OR2G3: variants seen among roughly 807,000 people sequenced by gnomAD.
OR2G3 encodes olfactory receptor family 2 subfamily G member 3.
For synonymous variants in OR2G3, 154 were observed against 144.5 expected (o/e 1.07, Z -0.47); for missense variants, 375 against 364.4 (o/e 1.03, Z -0.24).
In OR2G3 at chr1:247,605,951, G is replaced by C. The variant is rs769264930; in HGVS notation, c.366G>C (p.Arg122=). The stretch of plus-strand genomic sequence containing the variant: ...TCTTGGCTGACATGGCCTTGGATCG[G>C]TACATTGCTGTCTGCAAACCCCTCC... ...CILLADMALD[R]YIAVCKPLHY... Residue 122 remains arginine (R), a synonymous_variant, in exon 1 of 1, where the codon CGG becomes CGC. Transcript: ENST00000320002. 12 of 1,614,024 alleles carry C rather than the reference G, an allele frequency of 7.4e-6. No individual in the cohort carries two copies. The highest frequency in any genetic ancestry group is 1.6e-4 in the Middle Eastern group (1 of 6,084).
rs1282344029 is a variant in OR2G3 at position 247,606,169 on chromosome 1, A to G, written c.584A>G (p.Asn195Ser). 1.2e-6 allele frequency: 2 copies of G among 1,614,058 alleles called. No individual in the cohort carries two copies. The highest frequency in any genetic ancestry group is 1.7e-6 in the Non-Finnish European group (2 of 1,180,020). The change falls in exon 1 of 1, where the codon AAT becomes AGT. Residue 195 changes from asparagine to serine, a missense_variant. Asn to Ser is a conservative substitution (Grantham distance 46). Transcript: ENST00000320002. ...TTGGCTTGTGTGGACACCACTGTCA[A>G]TGAATTGGTGCTTTTTGTTGTTAGT... ...LKLACVDTTV[N>S]ELVLFVVSVL...
chr1:247,606,472 A>G lies in OR2G3; in HGVS notation c.887A>G (p.Asp296Gly). The G allele has an allele frequency of 6.2e-7, 1 of 1,611,438 alleles. No homozygotes were observed. The highest frequency in any genetic ancestry group is 8.5e-7 in the Non-Finnish European group (1 of 1,178,940). ...ATCATCTATACTTTAAGGAACAAGG[A>G]TATGAAAGAGGCTCTGAGGAAACTT... is the stretch of plus-strand genomic sequence containing the variant. ...NPIIYTLRNK[D>G]MKEALRKLLS... Residue 296 changes from aspartate to glycine, a missense_variant, in exon 1 of 1, where the codon GAT becomes GGT. Asp to Gly is a moderately conservative substitution (Grantham distance 94). Coordinates refer to ENST00000320002, the MANE Select transcript of OR2G3 (RefSeq NM_001001914.1).
Position 247,606,156 on chromosome 1 carries a change from G to T in OR2G3, c.571G>T (p.Asp191Tyr). Residue 191 changes from aspartate (D) to tyrosine (Y), a missense_variant, in exon 1 of 1, where the codon GAC (aspartate) becomes TAC (tyrosine). By Grantham distance (160) the Asp-to-Tyr change is radical. Transcript: ENST00000320002. ...VPALLKLACV[D>Y]TTVNELVLFV... ...AGCTCTTCTCAAGTTGGCTTGTGTG[G>T]ACACCACTGTCAATGAATTGGTGCT... 1 of 1,614,148 alleles carries T rather than the reference G, an allele frequency of 6.2e-7. No individual in the cohort carries two copies. Among genetic ancestry groups the T allele is most frequent in the Non-Finnish European group, 8.5e-7 (1 of 1,180,028 alleles).
Position 247,605,873 on chromosome 1 carries a change from T to A in OR2G3, c.288T>A (p.Gly96=), listed in dbSNP as rs1558275119. ...QRPKKTITYG[G]CVAQLYISLA... ...CAAAGAAGACGATCACTTACGGTGG[T>A]TGTGTGGCGCAACTCTATATTTCTC... is the stretch of plus-strand genomic sequence containing the variant. The change falls in exon 1 of 1, where the codon GGT becomes GGA. Residue 96 remains glycine, a synonymous_variant. Coordinates refer to ENST00000320002, the MANE Select transcript of OR2G3 (RefSeq NM_001001914.1). 6.2e-7 allele frequency: 1 copy of A among 1,614,156 alleles called. No individual in the cohort carries two copies. The highest frequency in any genetic ancestry group is 2.2e-5 in the East Asian group (1 of 44,860).
chr1:247,606,035 C>T lies in OR2G3; in HGVS notation c.450C>T (p.Leu150=). ...AACAGCTGGCATCTATCTCCTGGCT[C>T]AGTGGTTTGGCTAGTTCCCTAATCC... ...LCQQLASISW[L]SGLASSLIHA... is the part of the protein sequence containing the mutation. The change falls in exon 1 of 1, where the codon CTC becomes CTT. Residue 150 remains leucine (L), a synonymous_variant. Coordinates refer to ENST00000320002, the MANE Select transcript of OR2G3 (RefSeq NM_001001914.1). 6.2e-7 allele frequency: 1 copy of T among 1,614,144 alleles called. No individual in the cohort carries two copies. The highest frequency in any genetic ancestry group is 8.5e-7 in the Non-Finnish European group (1 of 1,180,030).
chr1:247,605,962 T>C lies in OR2G3; in HGVS notation c.377T>C (p.Val126Ala). 6.2e-7 allele frequency: 1 copy of C among 1,614,198 alleles called. No individual in the cohort carries two copies. The highest frequency in any genetic ancestry group is 8.5e-7 in the Non-Finnish European group (1 of 1,180,038). Residue 126 changes from valine (V) to alanine (A), a missense_variant, in exon 1 of 1, where the codon GTC becomes GCC. Coordinates refer to ENST00000320002, the MANE Select transcript of OR2G3 (RefSeq NM_001001914.1). ...ATGGCCTTGGATCGGTACATTGCTG[T>C]CTGCAAACCCCTCCACTATGTAGTC... is the stretch of plus-strand genomic sequence containing the variant. ...ADMALDRYIA[V>A]CKPLHYVVIM...
rs1355656807 is a variant in OR2G3 at position 247,606,151 on chromosome 1, G to C, written c.566G>C (p.Cys189Ser). 1 of 1,614,076 alleles carries C rather than the reference G, an allele frequency of 6.2e-7. No individual in the cohort carries two copies. Among genetic ancestry groups the C allele is most frequent in the Non-Finnish European group, 8.5e-7 (1 of 1,180,056 alleles). ...GTACCAGCTCTTCTCAAGTTGGCTT[G>C]TGTGGACACCACTGTCAATGAATTG... ...CEVPALLKLA[C>S]VDTTVNELVL... The change falls in exon 1 of 1, where the codon TGT becomes TCT. Residue 189 changes from cysteine to serine, a missense_variant. Physicochemically the swap from Cys to Ser is moderately radical, Grantham distance 112. Coordinates refer to ENST00000320002, the MANE Select transcript of OR2G3 (RefSeq NM_001001914.1).
Position 247,605,785 on chromosome 1 carries a change from C to T in OR2G3, c.200C>T (p.Ser67Phe). The stretch of plus-strand genomic sequence containing the variant: ...ATGTACTTTTTTCTCAGCAACCTCT[C>T]TTTACTGGACATCTGCTTCACTACT... ...TPMYFFLSNL[S>F]LLDICFTTSL... Residue 67 changes from serine to phenylalanine, a missense_variant, in exon 1 of 1, where the codon TCT (serine) becomes TTT (phenylalanine). Coordinates refer to ENST00000320002, the MANE Select transcript of OR2G3 (RefSeq NM_001001914.1). The T allele has an allele frequency of 6.2e-7, 1 of 1,614,074 alleles. No individual in the cohort carries two copies. Among genetic ancestry groups the T allele is most frequent in the East Asian group, 2.2e-5 (1 of 44,880 alleles).
In OR2G3 at chr1:247,606,478, A is replaced by G; in HGVS notation, c.893A>G (p.Lys298Arg). ...TATACTTTAAGGAACAAGGATATGAAAGAGGCTCTGAGGAAACTTCTCTCG... is the reference window on the plus strand; with the variant it reads ...TATACTTTAAGGAACAAGGATATGAGAGAGGCTCTGAGGAAACTTCTCTCG... ...IIYTLRNKDMKEALRKLLSGK... is the reference protein window; with the variant it reads ...IIYTLRNKDMREALRKLLSGK... Residue 298 changes from lysine (K) to arginine (R), a missense_variant, in exon 1 of 1, where the codon AAA becomes AGA. Transcript: ENST00000320002. 6.2e-7 allele frequency: 1 copy of G among 1,610,106 alleles called. No homozygotes were observed. The highest frequency in any genetic ancestry group is 8.5e-7 in the Non-Finnish European group (1 of 1,178,394).
chr1:247,606,233 C>T lies in OR2G3; in HGVS notation c.648C>T (p.Ile216=). 3.7e-6 allele frequency: 6 copies of T among 1,614,224 alleles called. No individual in the cohort carries two copies. The highest frequency in any genetic ancestry group is 5.1e-6 in the Non-Finnish European group (6 of 1,180,050). ...TCATTCCACCAGCACTCATCTCCATCTCCTATGGCTTCATAACTCAAGCTG... is the reference window on the plus strand; with the variant it reads ...TCATTCCACCAGCACTCATCTCCATTTCCTATGGCTTCATAACTCAAGCTG... The part of the protein sequence containing the change: ...FVVIPPALIS[I]SYGFITQAVL... Residue 216 remains isoleucine, a synonymous_variant, in exon 1 of 1, where the codon ATC becomes ATT. Transcript: ENST00000320002.
chr1:247,606,449 C>T lies in OR2G3; in HGVS notation c.864C>T (p.Ile288=), dbSNP rs749294919. 3 of 1,613,432 alleles carry T rather than the reference C, an allele frequency of 1.9e-6. No homozygotes were observed. The highest frequency in any genetic ancestry group is 1.7e-6 in the Non-Finnish European group (2 of 1,179,520). Residue 288 remains isoleucine, a synonymous_variant, in exon 1 of 1, where the codon ATC becomes ATT. Coordinates refer to ENST00000320002, the MANE Select transcript of OR2G3 (RefSeq NM_001001914.1). ...YTMVTPTLNP[I]IYTLRNKDMK... is the part of the protein sequence containing the mutation. The stretch of plus-strand genomic sequence containing the variant: ...TGGTGACCCCCACTTTAAATCCTAT[C>T]ATCTATACTTTAAGGAACAAGGATA...
rs764775749 is a variant in OR2G3 at position 247,605,649 on chromosome 1, C to T, written c.64C>T (p.Arg22Cys). Residue 22 changes from arginine (R) to cysteine (C), a missense_variant, in exon 1 of 1, where the codon CGT (arginine) becomes TGT (cysteine). By Grantham distance (180) the Arg-to-Cys change is radical. Coordinates refer to ENST00000320002, the MANE Select transcript of OR2G3 (RefSeq NM_001001914.1). ...CCTTCTAGGCTTCTCAGACCACCCT[C>T]GTCTGGAGGCTGTTCTCTTTGTATT... ...FILLGFSDHP[R>C]LEAVLFVFVL... is the part of the protein sequence containing the mutation. 14 of 1,613,820 alleles carry T rather than the reference C, an allele frequency of 8.7e-6. No individual in the cohort carries two copies. The highest frequency in any genetic ancestry group is 3.3e-4 in the Middle Eastern group (2 of 6,084).
In OR2G3 at chr1:247,605,728, T is replaced by C. The variant is rs537482303; in HGVS notation, c.143T>C (p.Ile48Thr). 1 of 1,614,108 alleles carries C rather than the reference T, an allele frequency of 6.2e-7. No homozygotes were observed. The highest frequency in any genetic ancestry group is 8.5e-7 in the Non-Finnish European group (1 of 1,179,968). ...GTGGGAAACTTCACCATAATCATCA[T>C]CTCATATCTGGATCCCCCTCTTCAT... is the stretch of plus-strand genomic sequence containing the variant. ...TLVGNFTIIIISYLDPPLHTP... is the reference protein window; with the variant it reads ...TLVGNFTIIITSYLDPPLHTP... The change falls in exon 1 of 1, where the codon ATC becomes ACC. Residue 48 changes from isoleucine (I) to threonine (T), a missense_variant. Ile to Thr is a moderately conservative substitution (Grantham distance 89). Transcript: ENST00000320002.
chr1:247,605,718 A>G lies in OR2G3; in HGVS notation c.133A>G (p.Ile45Val), dbSNP rs1461591578. The change falls in exon 1 of 1, where the codon ATA becomes GTA. Residue 45 changes from isoleucine to valine, a missense_variant. Ile to Val is a conservative substitution (Grantham distance 29, BLOSUM62 3). Coordinates refer to ENST00000320002, the MANE Select transcript of OR2G3 (RefSeq NM_001001914.1). ...CCTGACCCTTGTGGGAAACTTCACC[A>G]TAATCATCATCTCATATCTGGATCC... is the stretch of plus-strand genomic sequence containing the variant. ...YLLTLVGNFTIIIISYLDPPL... is the reference protein window; with the variant it reads ...YLLTLVGNFTVIIISYLDPPL... 6.2e-7 allele frequency: 1 copy of G among 1,613,624 alleles called. No individual in the cohort carries two copies. Among genetic ancestry groups the G allele is most frequent in the Admixed American group, 1.7e-5 (1 of 59,986 alleles).
At position 247,606,225 on chromosome 1, in the gene OR2G3, A is replaced by G. The variant is rs776576830; in HGVS notation, c.640A>G (p.Ile214Val). Residue 214 changes from isoleucine to valine, a missense_variant, in exon 1 of 1, where the codon ATC (isoleucine) becomes GTC (valine). Transcript: ENST00000320002. The part of the protein sequence containing the change: ...VLFVVIPPAL[I>V]SISYGFITQA... Reference sequence around the variant, plus strand: ...GTTTGTTGTCATTCCACCAGCACTCATCTCCATCTCCTATGGCTTCATAAC... The same window carrying G: ...GTTTGTTGTCATTCCACCAGCACTCGTCTCCATCTCCTATGGCTTCATAAC... 21 of 1,614,184 alleles carry G rather than the reference A, an allele frequency of 1.3e-5. No individual in the cohort carries two copies. Among genetic ancestry groups the G allele is most frequent in the Non-Finnish European group, 1.7e-5 (20 of 1,180,040 alleles).
Position 247,605,722 on chromosome 1 carries a change from T to C in OR2G3, c.137T>C (p.Ile46Thr), listed in dbSNP as rs780803581. 6.2e-7 allele frequency: 1 copy of C among 1,614,024 alleles called. No individual in the cohort carries two copies. The highest frequency in any genetic ancestry group is 8.5e-7 in the Non-Finnish European group (1 of 1,179,920). Residue 46 changes from isoleucine to threonine, a missense_variant, in exon 1 of 1, where the codon ATC becomes ACC. Physicochemically the swap from Ile to Thr is moderately conservative, Grantham distance 89. Transcript: ENST00000320002. ...ACCCTTGTGGGAAACTTCACCATAA[T>C]CATCATCTCATATCTGGATCCCCCT... Reference protein sequence around the residue: ...LLTLVGNFTIIIISYLDPPLH... With the variant: ...LLTLVGNFTITIISYLDPPLH...
Position 247,605,932 on chromosome 1 carries a change from C to T in OR2G3, c.347C>T (p.Ala116Val), listed in dbSNP as rs1669382498. The change falls in exon 1 of 1, where the codon GCT (alanine) becomes GTT (valine). Residue 116 changes from alanine to valine, a missense_variant. Coordinates refer to ENST00000320002, the MANE Select transcript of OR2G3 (RefSeq NM_001001914.1). ...GGCTCCACTGAATGTATCCTCTTGG[C>T]TGACATGGCCTTGGATCGGTACATT... ...ALGSTECILLADMALDRYIAV... is the reference protein window; with the variant it reads ...ALGSTECILLVDMALDRYIAV... 2 of 1,614,124 alleles carry T rather than the reference C, an allele frequency of 1.2e-6. No homozygotes were observed. Among genetic ancestry groups the T allele is most frequent in the Non-Finnish European group, 1.7e-6 (2 of 1,179,968 alleles).
chr1:247,606,180 C>A lies in OR2G3; in HGVS notation c.595C>A (p.Leu199Ile). The A allele has an allele frequency of 6.2e-7, 1 of 1,614,184 alleles. No homozygotes were observed. Among genetic ancestry groups the A allele is most frequent in the Non-Finnish European group, 8.5e-7 (1 of 1,180,038 alleles). ...GGACACCACTGTCAATGAATTGGTG[C>A]TTTTTGTTGTTAGTGTTCTGTTTGT... ...CVDTTVNELV[L>I]FVVSVLFVVI... Residue 199 changes from leucine (L) to isoleucine (I), a missense_variant, in exon 1 of 1, where the codon CTT becomes ATT. Leu to Ile is a conservative substitution (Grantham distance 5, BLOSUM62 2). Coordinates refer to ENST00000320002, the MANE Select transcript of OR2G3 (RefSeq NM_001001914.1).
In OR2G3 at chr1:247,606,402, T is replaced by C; in HGVS notation, c.817T>C (p.Phe273Leu). 1.9e-6 allele frequency: 3 copies of C among 1,613,780 alleles called. No homozygotes were observed. The highest frequency in any genetic ancestry group is 1.1e-5 in the South Asian group (1 of 91,066). The change falls in exon 1 of 1, where the codon TTT (phenylalanine) becomes CTT (leucine). Residue 273 changes from phenylalanine (F) to leucine (L), a missense_variant. Coordinates refer to ENST00000320002, the MANE Select transcript of OR2G3 (RefSeq NM_001001914.1). ...SDSYAQDQGK[F>L]ISLFYTMVTP... is the part of the protein sequence containing the mutation. The stretch of plus-strand genomic sequence containing the variant: ...CAGCTATGCCCAGGACCAAGGGAAG[T>C]TTATCTCCCTCTTCTACACCATGGT...
Sources: gnomAD v4.1 joint callset for allele counts on GRCh38, gnomAD v4.1.1 for gene constraint, MANE v1.5 for transcripts, NCBI Gene and HGNC (gene_info 2026-07-23, HGNC 2026-07-21) for gene names.